The following ZC3HAV1 variants were observed in gnomAD, a reference collection of about 807,000 sequenced individuals.
The protein encoded by ZC3HAV1 is zinc finger CCCH-type containing, antiviral 1.
A neutral mutation model predicts 86.6 loss-of-function variants in ZC3HAV1; 41 were observed. That is an observed-to-expected ratio of 0.47 (90% confidence interval 0.37 to 0.61). The LOEUF (loss-of-function observed/expected upper bound fraction) is 0.61, where lower values mean the gene tolerates loss of function less well. Ranked by LOEUF, ZC3HAV1 falls within the 20% of genes least tolerant of loss-of-function variation. The probability of loss-of-function intolerance (pLI) is 0.00; values close to 1 mark genes in which losing one functional copy is unlikely to be tolerated. For synonymous variants in ZC3HAV1, 421 were observed against 432.1 expected, an observed-to-expected ratio of 0.97 and a Z score of 0.32; for missense variants, 964 against 1,141.1, an observed-to-expected ratio of 0.84 and a Z score of 2.24.
intron 3 of ZC3HAV1, among the ~76,000 whole-genome samples, chr7:139,082,002 C>T (rs753852200): frequency 9.9e-5 from 15 of 152,174 alleles, no homozygotes; most frequent in South Asian, 2.1e-4. Context: ...TGGTGGCTTA[C>T]GCCTGTAATC....
In ZC3HAV1 at chr7:139,053,586, T is replaced by C. The variant is rs764234871; in HGVS notation, c.2319-5A>G. The C allele has an allele frequency of 1.3e-6, 2 of 1,589,786 alleles. No homozygotes were observed. The highest frequency in any genetic ancestry group is 1.8e-5 in the Admixed American group (1 of 54,620). On this transcript the variant is annotated splice_polypyrimidine_tract_variant and splice_region_variant and intron_variant, in intron 11 of 12. Coordinates refer to ENST00000242351, the MANE Select transcript of ZC3HAV1 (RefSeq NM_020119.4). ...TCCTTCATCTGCGATTTCTTCCTAA[T>C]ATAAGAGATGTGAGACTTAACACGG...
At chr7:139,095,620 G>A (rs1469694203) in intron 1 of ZC3HAV1, among the ~76,000 whole-genome samples, 1 of 152,216 alleles carries the variant, frequency 6.6e-6, no homozygotes, top group Non-Finnish European at 1.5e-5. Flanking sequence ...TGGGCCCGCT[G>A]AGGATAGGGG....
chr7:139,051,190 T>C (rs758682653), intron 12 of ZC3HAV1, among the ~76,000 whole-genome samples: 6 of 151,964 alleles, frequency 3.9e-5, no homozygotes, highest in Non-Finnish European at 8.8e-5. Context: ...CCCAAGTAGC[T>C]GGGATTACAG....
In ZC3HAV1 at chr7:139,044,245, C is replaced by T. The variant is rs1641956328; in HGVS notation, c.*3349G>A. ...TGTACATAGTCTGTTTTGTCTTTACCCTAACACTGGTTTTCATTCTAGTGT... is the reference window on the plus strand; with the variant it reads ...TGTACATAGTCTGTTTTGTCTTTACTCTAACACTGGTTTTCATTCTAGTGT... On this transcript the variant is annotated 3_prime_UTR_variant, in exon 13 of 13. Coordinates refer to ENST00000242351, the MANE Select transcript of ZC3HAV1 (RefSeq NM_020119.4). 6.6e-6 allele frequency: 1 copy of T among 151,896 alleles called. No homozygotes were observed. Among genetic ancestry groups the T allele is most frequent in the Non-Finnish European group, 1.5e-5 (1 of 67,994 alleles). The allele number at this position is 151,896 out of a possible 1,614,324, so 9.4% of individuals were successfully genotyped here.
intron 4 of ZC3HAV1, 151 bp downstream of exon 4, chr7:139,079,319 A>G: frequency 1.3e-6 from 2 of 1,546,144 alleles, no homozygotes; most frequent in Non-Finnish European, 1.7e-6. Context: ...AGTACGTAAC[A>G]TATCTTTTTC....
At chr7:139,066,085 A>G (rs534144118) in intron 7 of ZC3HAV1, among the ~76,000 whole-genome samples, 1 of 152,260 alleles carries the variant, frequency 6.6e-6, no homozygotes, top group Non-Finnish European at 1.5e-5. Flanking sequence ...TTCCGTGGCC[A>G]GGGTGGGCGA....
At chr7:139,105,987 A>G (rs1345406790) in intron 1 of ZC3HAV1, among the ~76,000 whole-genome samples, 2 of 152,310 alleles carry the variant, frequency 1.3e-5, no homozygotes, top group Middle Eastern at 3.4e-3. Context: ...TGTAATTCCC[A>G]AATTCAAAAG....
At chr7:139,101,487 C>T (rs1161161617) in intron 1 of ZC3HAV1, among the ~76,000 whole-genome samples, 30 of 106,660 alleles carry the variant, frequency 2.8e-4, no homozygotes, top group South Asian at 1.1e-3. Context: ...CGCCTCAGCC[C>T]GGCCACCACC....
intron 9 of ZC3HAV1, chr7:139,060,295 G>C (rs1440147935): frequency 2.0e-6 from 2 of 985,146 alleles, no homozygotes; most frequent in East Asian, 2.3e-4. Context: ...CCTGTTTTAT[G>C]TAATCACACA....
rs752393493 is a variant in ZC3HAV1, at chr7:139,083,920, T to C, written c.557A>G (p.Asn186Ser). The C allele has an allele frequency of 1.5e-5, 24 of 1,613,942 alleles. No individual in the cohort carries two copies. Among genetic ancestry groups the C allele is most frequent in the Middle Eastern group, 1.6e-4 (1 of 6,084 alleles). The change falls in exon 3 of 13, where the codon AAC (asparagine) becomes AGC (serine). Residue 186 changes from asparagine to serine, a missense_variant. Physicochemically the swap from Asn to Ser is conservative, Grantham distance 46. Coordinates refer to ENST00000242351, the MANE Select transcript of ZC3HAV1 (RefSeq NM_020119.4). ...HFTRGNCRFP[N>S]CLRSHNLMDR... ...CATCAGGTTATGGGACCGGAGGCAG[T>C]TGGGAAAACGACAGTTCCCTCGGGT...
intron 1 of ZC3HAV1, among the ~76,000 whole-genome samples, chr7:139,090,307 T>C (rs1163327184): frequency 6.6e-6 from 1 of 152,156 alleles, no homozygotes; most frequent in African/African-American, 2.4e-5. Flanking sequence ...CTCCTTAGTG[T>C]GCTTAACTAT....
At chr7:139,105,050 A>G (rs923237799) in intron 1 of ZC3HAV1, among the ~76,000 whole-genome samples, 55 of 150,948 alleles carry the variant, frequency 3.6e-4, no homozygotes, top group African/African-American at 8.8e-4. Context: ...AAAAAAAAAA[A>G]AAAGAAAAGA....
At chr7:139,104,808 G>C (rs1445396624) in intron 1 of ZC3HAV1, among the ~76,000 whole-genome samples, 2 of 150,612 alleles carry the variant, frequency 1.3e-5, no homozygotes, top group Non-Finnish European at 3.0e-5. Flanking sequence ...AGGCTGGGAA[G>C]ATTGCTTAAG....
Position 139,080,626 on chromosome 7 carries a change from G to C in ZC3HAV1, c.698-383C>G, listed in dbSNP as rs539320154. On this transcript the variant is annotated intron_variant, in intron 3 of 12. Transcript: ENST00000242351. ...AGAATCTTGACATTCTGCCTGCACG[G>C]CAGAGCACGTCATTCCATGGCCTAG... Among the ~76,000 whole-genome samples, 3 of 152,268 alleles carry C rather than the reference G, an allele frequency of 2.0e-5. No homozygotes were observed. The East Asian group carries it at 5.8e-4, about 29-fold the overall frequency.
intron 6 of ZC3HAV1, 70 bp from the exon 7 acceptor site, chr7:139,074,100 T>A: frequency 6.9e-7 from 1 of 1,442,550 alleles, no homozygotes; most frequent in South Asian, 1.3e-5. Context: ...TCGTCTTCCC[T>A]AATGAGAGCA....
intron 8 of ZC3HAV1, among the ~76,000 whole-genome samples, chr7:139,062,396 G>T (rs1290684695): frequency 2.0e-5 from 3 of 152,188 alleles, no homozygotes; most frequent in Admixed American, 2.0e-4. Context: ...GTACCTTCCA[G>T]CCTTAGCCTT....
intron 9 of ZC3HAV1, chr7:139,060,477 CT>C (rs1641254736): frequency 4.0e-6 from 4 of 992,360 alleles, no homozygotes; most frequent in African/African-American, 3.5e-5. Flanking sequence ...TAGCTCATCC[CT>C]TTTTTCTATC....
rs34053904 is a variant in ZC3HAV1, at chr7:139,105,032, CAAAAAAAA to C, written c.308+3984_308+3991del. 5.4e-3 allele frequency among the ~76,000 whole-genome samples: 396 copies of C among 72,834 alleles called. 5 individuals are homozygous for C. Among genetic ancestry groups the C allele is most frequent in the African/African-American group, 0.019 (355 of 19,026 alleles). 47.8% of individuals were successfully genotyped at this position (72,834 alleles called of 152,430 possible). On this transcript the variant is annotated intron_variant, in intron 1 of 12. Transcript: ENST00000242351. ...TGGGTGACAGAGTGAGACTCTGTCTCAAAAAAAAAAAAAAAAAAAAAGAAAAGAAAAGT... is the reference window on the plus strand; with the variant it reads ...TGGGTGACAGAGTGAGACTCTGTCTCAAAAAAAAAAAAAGAAAAGAAAAGT...
intron 9 of ZC3HAV1, among the ~76,000 whole-genome samples, chr7:139,059,253 G>T (rs1481135206): frequency 6.6e-6 from 1 of 152,112 alleles, no homozygotes; most frequent in Non-Finnish European, 1.5e-5. Context: ...TCCCGTGAGG[G>T]CATGAGATTT....
Sources: allele counts gnomAD v4.1 joint callset (sites outside exome capture counted in the v4.1 genomes callset), GRCh38; gene constraint gnomAD v4.1.1; transcripts MANE v1.5; gene names NCBI Gene and HGNC (gene_info 2026-07-23, HGNC 2026-07-21).